Variants in FER observed in about 807,000 individuals in gnomAD.
FER encodes the protein tyrosine-protein kinase Fer.
A neutral mutation model predicts 111.0 loss-of-function variants in FER; 63 were observed. The ratio of observed to expected loss-of-function variants is 0.57; its 90% CI spans 0.46 to 0.70. The LOEUF (loss-of-function observed/expected upper bound fraction) is 0.70. Ranked by LOEUF, FER falls within the 30% of genes least tolerant of loss-of-function variation. The pLI is 0.00. For synonymous variants in FER, 327 were observed against 313.9 expected (o/e 1.04, Z -0.44); for missense variants, 914 against 954.0 (o/e 0.96, Z 0.55).
chr5:108,959,873 A>G (rs1378785793), intron 13 of FER, among the ~76,000 whole-genome samples: 4 of 152,258 alleles, frequency 2.6e-5, no homozygotes, highest in Admixed American at 6.5e-5. Flanking sequence ...TTTTACCTCT[A>G]TGATCTATCA....
Position 109,186,267 on chromosome 5 carries a change from G to T in FER, c.2271G>T (p.Gly757=). The T allele has an allele frequency of 2.5e-6, 4 of 1,614,106 alleles. No homozygotes were observed. The highest frequency in any genetic ancestry group is 3.4e-6 in the Non-Finnish European group (4 of 1,179,996). Reference sequence around the variant, plus strand: ...TTCTCTGGGAGACCTTCAGCTTAGGGGTTTGTCCGTACCCTGGAATGACAA... The same window carrying T: ...TTCTCTGGGAGACCTTCAGCTTAGGTGTTTGTCCGTACCCTGGAATGACAA... ...GILLWETFSL[G]VCPYPGMTNQ... Residue 757 remains glycine (G), a synonymous_variant, in exon 19 of 20, where the codon GGG becomes GGT. Transcript: ENST00000281092.
intron 17 of FER, among the ~76,000 whole-genome samples, chr5:109,105,419 T>G (rs1288965888): frequency 6.6e-6 from 1 of 152,130 alleles, no homozygotes; most frequent in African/African-American, 2.4e-5. Context: ...TCCTAAACTG[T>G]GAGTATACTG....
chr5:108,893,026 C>A (rs905538680), intron 9 of FER, among the ~76,000 whole-genome samples: 1 of 152,018 alleles, frequency 6.6e-6, no homozygotes, highest in African/African-American at 2.4e-5. Context: ...CATTGGTCTA[C>A]ATCTCTGTTT....
intron 16 of FER, among the ~76,000 whole-genome samples, chr5:109,092,284 C>CAAAAAAAAAA (rs70999914): frequency 2.5e-5 from 1 of 40,420 alleles, no homozygotes; most frequent in African/African-American, 7.8e-5. Flanking sequence ...CTTATGATGG[C>CAAAAAAAAAA]AAAAAAAAAA....
At chr5:109,034,206 C>T (rs1056885079) in intron 13 of FER, among the ~76,000 whole-genome samples, 2 of 152,128 alleles carry the variant, frequency 1.3e-5, no homozygotes, top group African/African-American at 4.8e-5. Flanking sequence ...TTGTTTTTTT[C>T]TGTCTATAAC....
At chr5:109,047,959 G>A (rs1044948072) in intron 16 of FER, among the ~76,000 whole-genome samples, 1 of 151,986 alleles carries the variant, frequency 6.6e-6, no homozygotes, top group African/African-American at 2.4e-5. Flanking sequence ...TTTTTTCGTT[G>A]TCCAACTTCC....
At chr5:109,018,993 A>G (rs188387960) in intron 13 of FER, among the ~76,000 whole-genome samples, 4 of 151,652 alleles carry the variant, frequency 2.6e-5, no homozygotes, top group Non-Finnish European at 1.5e-5. Context: ...GCTGATTCAT[A>G]TGAATCATAG....
chr5:108,883,506 A>G lies in FER; in HGVS notation c.1034A>G (p.Glu345Gly), dbSNP rs1299830482. 3 of 1,602,348 alleles carry G rather than the reference A, an allele frequency of 1.9e-6. No homozygotes were observed. Among genetic ancestry groups the G allele is most frequent in the African/African-American group, 2.7e-5 (2 of 74,336 alleles). The change falls in exon 9 of 20, where the codon GAG (glutamate) becomes GGG (glycine). Residue 345 changes from glutamate (E) to glycine (G), a missense_variant. Glu to Gly is a moderately conservative substitution (Grantham distance 98). Around this residue, in one of 3 missense-constraint regions of FER, gnomAD observed 774 missense variants for 782.6 expected, o/e 0.99. Transcript: ENST00000281092. ...ATTGAAGAATCTTCTGAAACTTGTG[A>G]GAAGAAGTCTGAGTGAGTAAAAGAG... is the stretch of plus-strand genomic sequence containing the variant. ...KRIEESSETC[E>G]KKSDIVLLLS...
chr5:108,930,532 G>C (rs1422726937), intron 10 of FER, among the ~76,000 whole-genome samples: 1 of 150 alleles, frequency 6.7e-3, no homozygotes, highest in African/African-American at 0.038. Context: ...CCTCCCCTTC[G>C]TGCCCCTTCT....
chr5:109,013,044 A>G (rs1369747643), intron 13 of FER, among the ~76,000 whole-genome samples: 1 of 150,700 alleles, frequency 6.6e-6, no homozygotes, highest in African/African-American at 2.4e-5. Flanking sequence ...CTTTAGTGTT[A>G]TCATTGCTTT....
At chr5:109,079,141 T>A (rs1367047649) in intron 16 of FER, among the ~76,000 whole-genome samples, 1 of 152,174 alleles carries the variant, frequency 6.6e-6, no homozygotes, top group Non-Finnish European at 1.5e-5. Context: ...GTTCCAAGAC[T>A]GAGACAAACA....
At chr5:108,766,559 G>C (rs1752345852) in intron 1 of FER, among the ~76,000 whole-genome samples, 1 of 152,182 alleles carries the variant, frequency 6.6e-6, no homozygotes, top group Non-Finnish European at 1.5e-5. Context: ...TATCTAGAAG[G>C]GAATAAAATG....
At chr5:109,164,688 G>A (rs1245063617) in intron 17 of FER, among the ~76,000 whole-genome samples, 2 of 152,012 alleles carry the variant, frequency 1.3e-5, no homozygotes, top group African/African-American at 2.4e-5. Context: ...TCTAATTGAT[G>A]CCTTTTCCTC....
chr5:108,893,038 G>A (rs999829228), intron 9 of FER, among the ~76,000 whole-genome samples: 1 of 152,064 alleles, frequency 6.6e-6, no homozygotes, highest in Non-Finnish European at 1.5e-5. Flanking sequence ...TCTCTGTTTT[G>A]GTACCAGTAC....
At chr5:109,048,129 T>C (rs534787792) in intron 16 of FER, among the ~76,000 whole-genome samples, 2 of 152,256 alleles carry the variant, frequency 1.3e-5, no homozygotes, top group South Asian at 4.1e-4. Context: ...TTAATTAAAA[T>C]ATATTAAGTA....
At chr5:109,003,260 A>G (rs1327268051) in intron 13 of FER, among the ~76,000 whole-genome samples, 1 of 152,252 alleles carries the variant, frequency 6.6e-6, no homozygotes, top group Non-Finnish European at 1.5e-5. Context: ...AATGTGGCAC[A>G]TATACACCAT....
intron 16 of FER, chr5:109,051,824 T>C (rs1772874809): frequency 6.3e-7 from 1 of 1,594,368 alleles, no homozygotes; most frequent in African/African-American, 1.3e-5. Context: ...ACCACCAGCA[T>C]GAAGATGATG....
At chr5:108,945,599 A>T (rs1354252106) in intron 10 of FER, among the ~76,000 whole-genome samples, 3 of 148,788 alleles carry the variant, frequency 2.0e-5, no homozygotes, top group Non-Finnish European at 3.0e-5. Flanking sequence ...TATCATCAGG[A>T]TCATTATGAT....
chr5:109,027,440 TA>T (rs1348554565), intron 13 of FER, among the ~76,000 whole-genome samples: 1 of 152,208 alleles, frequency 6.6e-6, no homozygotes, highest in Admixed American at 6.5e-5. Flanking sequence ...AGGAATAGAA[TA>T]AGGTTGTTCT....
Sources: allele counts gnomAD v4.1 joint callset (sites outside exome capture counted in the v4.1 genomes callset), GRCh38; gene constraint gnomAD v4.1.1; regional missense constraint gnomAD v4.1.1; transcripts MANE v1.5; gene names NCBI Gene and HGNC (gene_info 2026-07-23, HGNC 2026-07-21).